Variants in KLRD1 observed in about 807,000 individuals in gnomAD.
KLRD1 encodes natural killer cells antigen CD94.
Under a neutral mutation model 22.6 loss-of-function variants are expected in KLRD1, and 21 were observed. The ratio of observed to expected loss-of-function variants is 0.93; its 90% confidence interval spans 0.66 to 1.34. The LOEUF (loss-of-function observed/expected upper bound fraction) is 1.34. Among genes scored for constraint, KLRD1 ranks in the 40% most tolerant of loss-of-function variants. The pLI, the probability that KLRD1 is intolerant of heterozygous loss-of-function variation, is 0.00. For missense variants in KLRD1, 183 were observed against 208.6 expected (o/e 0.88, Z 0.76); for synonymous variants, 59 against 71.1 (o/e 0.83, Z 0.85).
chr12:10,287,113 G>A (rs557072878), intron 1 of KLRD1, among the ~76,000 whole-genome samples: 1 of 152,154 alleles, frequency 6.6e-6, no homozygotes, highest in African/African-American at 2.4e-5. Context: ...TCCAGCCTGG[G>A]TGACAGAGTG....
At chr12:10,293,154 C>A (rs2137668871) in intron 1 of KLRD1, among the ~76,000 whole-genome samples, 1 of 1,704 alleles carries the variant, frequency 5.9e-4, no homozygotes, top group African/African-American at 6.5e-4. Flanking sequence ...GTAAAACTTT[C>A]TCCATATATA....
chr12:10,272,444 T>C (rs1949559039), intron 1 of KLRD1, among the ~76,000 whole-genome samples: 1 of 152,240 alleles, frequency 6.6e-6, no homozygotes, highest in African/African-American at 2.4e-5. Context: ...AATCCTCCTC[T>C]AAAAGTACCT....
chr12:10,288,948 C>T (rs922291862), intron 1 of KLRD1, among the ~76,000 whole-genome samples: 4 of 152,110 alleles, frequency 2.6e-5, no homozygotes, highest in African/African-American at 9.7e-5. Flanking sequence ...TCTTCATCTC[C>T]TGTTTGAGTA....
chr12:10,288,729 A>C (rs551696261), intron 1 of KLRD1, among the ~76,000 whole-genome samples: 1 of 152,250 alleles, frequency 6.6e-6, no homozygotes, highest in Admixed American at 6.5e-5. Context: ...TTAAATATCA[A>C]TTATAGACTA....
upstream of KLRD1, among the ~76,000 whole-genome samples, chr12:10,305,912 C>T (rs1949916074): frequency 6.6e-6 from 1 of 152,030 alleles, no homozygotes; most frequent in East Asian, 1.9e-4. Flanking sequence ...CCTGTAATCC[C>T]AGCACTTTGG....
At chr12:10,265,591 T>C (rs1378473505) in intron 1 of KLRD1, among the ~76,000 whole-genome samples, 2 of 152,146 alleles carry the variant, frequency 1.3e-5, no homozygotes, top group African/African-American at 4.8e-5. Context: ...ACCCTGTATC[T>C]ATTAAAAATA....
Position 10,312,627 on chromosome 12 carries a change from C to T in KLRD1, c.316-783C>T, listed in dbSNP as rs192230269. On this transcript the variant is annotated intron_variant, in intron 4 of 5. Coordinates refer to ENST00000336164, the MANE Select transcript of KLRD1 (RefSeq NM_002262.5). ...TCTTCTGACCTCATGATCTGCCCAC[C>T]TCTGCCTCCCAAAGTGCTGGGATTA... Among the ~76,000 whole-genome samples the T allele has an allele frequency of 3.9e-3, 585 of 150,956 alleles. 3 individuals are homozygous for T. The highest frequency in any genetic ancestry group is 0.013 in the African/African-American group (530 of 41,198).
chr12:10,274,196 C>T (rs1156637562), intron 1 of KLRD1, among the ~76,000 whole-genome samples: 2 of 152,118 alleles, frequency 1.3e-5, no homozygotes, highest in African/African-American at 2.4e-5. Flanking sequence ...AGGAGAATCG[C>T]TTGAACCCGG....
At chr12:10,289,839 T>C (rs1019761526) in intron 1 of KLRD1, among the ~76,000 whole-genome samples, 1 of 152,174 alleles carries the variant, frequency 6.6e-6, no homozygotes, top group Admixed American at 6.5e-5. Context: ...AGTGCAGTGG[T>C]GCAGTCTTGG....
chr12:10,241,402 A>T (rs930041498), intron 1 of KLRD1, among the ~76,000 whole-genome samples: 6 of 152,198 alleles, frequency 3.9e-5, no homozygotes, highest in African/African-American at 7.2e-5. Flanking sequence ...ACTTACAGAA[A>T]AAGTTGTGAG....
intron 1 of KLRD1, among the ~76,000 whole-genome samples, chr12:10,273,911 A>C (rs930025787): frequency 2.0e-5 from 3 of 152,162 alleles, no homozygotes; most frequent in Non-Finnish European, 4.4e-5. Context: ...AAAAAATCAG[A>C]CATATCAACA....
chr12:10,249,523 C>G (rs1424583015), intron 1 of KLRD1, among the ~76,000 whole-genome samples: 2 of 152,168 alleles, frequency 1.3e-5, no homozygotes, highest in Admixed American at 6.5e-5. Context: ...ACAACTCAAA[C>G]TAATATCTTG....
intron 4 of KLRD1, among the ~76,000 whole-genome samples, chr12:10,312,535 C>T (rs1309951315): frequency 1.3e-5 from 2 of 151,538 alleles, no homozygotes; most frequent in African/African-American, 4.8e-5. Context: ...CCCACAACCA[C>T]GCCCAGTTAA....
chr12:10,311,695 A>C, intron 4 of KLRD1, 80 bp downstream of exon 4: 1 of 1,371,788 alleles, frequency 7.3e-7, no homozygotes, highest in Non-Finnish European at 1.0e-6. Context: ...ACTTTGGTTT[A>C]AGTCATTAAT....
intron 1 of KLRD1, among the ~76,000 whole-genome samples, chr12:10,296,479 A>G (rs1044287946): frequency 1.3e-5 from 2 of 152,092 alleles, no homozygotes; most frequent in African/African-American, 2.4e-5. Flanking sequence ...TTGCACCACC[A>G]CACTGCAGCC....
At position 10,314,717 on chromosome 12, in the gene KLRD1, A is replaced by G. The variant is rs1199253669; in HGVS notation, c.464A>G (p.Tyr155Cys). 3 of 1,597,170 alleles carry G rather than the reference A, an allele frequency of 1.9e-6. No individual in the cohort carries two copies. Among genetic ancestry groups the G allele is most frequent in the Admixed American group, 1.7e-5 (1 of 57,888 alleles). Residue 155 changes from tyrosine (Y) to cysteine (C), a missense_variant, in exon 6 of 6, where the codon TAT (tyrosine) becomes TGT (cysteine). Physicochemically the swap from Tyr to Cys is radical, Grantham distance 194 (BLOSUM62 -2). Transcript: ENST00000336164. ...ETFNTKNCIA[Y>C]NPNGNALDES... is the part of the protein sequence containing the mutation. ...TTTAATACAAAGAACTGCATAGCGTATAATCCAAATGGAAATGCTTTAGAT... is the reference window on the plus strand; with the variant it reads ...TTTAATACAAAGAACTGCATAGCGTGTAATCCAAATGGAAATGCTTTAGAT...
intron 1 of KLRD1, among the ~76,000 whole-genome samples, chr12:10,295,378 G>A (rs1949812318): frequency 6.6e-6 from 1 of 152,046 alleles, no homozygotes; most frequent in African/African-American, 2.4e-5. Context: ...ACAGATTCAA[G>A]TATCTGATTT....
upstream of KLRD1, among the ~76,000 whole-genome samples, chr12:10,301,120 GA>G (rs1333140197): frequency 1.3e-5 from 2 of 152,128 alleles, no homozygotes. Flanking sequence ...AATGAAGGGG[GA>G]AAAATCCAAC....
chr12:10,322,319 T>A lies in KLRD1; in HGVS notation c.*7526T>A, dbSNP rs1950319079. The A allele has an allele frequency of 1.3e-5, 2 of 152,288 alleles. No individual in the cohort carries two copies. The highest frequency in any genetic ancestry group is 1.3e-4 in the Admixed American group (2 of 15,290). 9.4% of individuals were successfully genotyped at this position (152,288 alleles called of 1,614,324 possible). ...GCCTCGGCCTCCTGAAGTGCTGGGA[T>A]TACAGGCATGAGCCATTGTGTCTGG... On this transcript the variant is annotated 3_prime_UTR_variant, in exon 6 of 6. Transcript: ENST00000336164.
Sources: gnomAD v4.1 joint callset for allele counts (sites outside exome capture counted in the v4.1 genomes callset) on GRCh38, gnomAD v4.1.1 for gene constraint, MANE v1.5 for transcripts, NCBI Gene and HGNC (gene_info 2026-07-23, HGNC 2026-07-21) for gene names.